AASDH: variants seen among roughly 807,000 people sequenced by gnomAD.
AASDH encodes aminoadipate-semialdehyde dehydrogenase, also known as beta-alanine-activating enzyme.
In AASDH, 81 loss-of-function variants were observed where a neutral mutation model predicts 102.3. The ratio of observed to expected loss-of-function variants is 0.79; its 90% CI spans 0.66 to 0.95. The LOEUF (loss-of-function observed/expected upper bound fraction) is 0.95, where lower values mean the gene tolerates loss of function less well. Ranked by LOEUF, AASDH falls within the 40% of genes least tolerant of loss-of-function variation. The pLI is 0.00. For missense variants in AASDH, 1,203 were observed against 1,266.2 expected, an observed-to-expected ratio of 0.95 and a Z score of 0.76; for synonymous variants, 398 against 454.0, an observed-to-expected ratio of 0.88 and a Z score of 1.57.
intron 1 of AASDH, among the ~76,000 whole-genome samples, chr4:56,385,807 T>C (rs1753482957): frequency 6.6e-6 from 1 of 152,112 alleles, no homozygotes; most frequent in Non-Finnish European, 1.5e-5. Flanking sequence ...ACAGGGTTTC[T>C]CCATGTTGGC....
At chr4:56,375,845 C>G (rs1373921021) in intron 4 of AASDH, among the ~76,000 whole-genome samples, 1 of 151,734 alleles carries the variant, frequency 6.6e-6, no homozygotes, top group East Asian at 1.9e-4. Flanking sequence ...TTGAGGCTAT[C>G]AAAAAAAGAG....
At chr4:56,379,681 T>C (rs1213051182) in intron 3 of AASDH, among the ~76,000 whole-genome samples, 1 of 152,200 alleles carries the variant, frequency 6.6e-6, no homozygotes. Flanking sequence ...GAAATGTTAA[T>C]GGGAACAGAG....
chr4:56,354,869 C>T, intron 6 of AASDH, 58 bp from the exon 7 acceptor site: 1 of 1,344,838 alleles, frequency 7.4e-7, no homozygotes, highest in Non-Finnish European at 1.0e-6. Flanking sequence ...GAATATTTTC[C>T]AATATATTTA....
chr4:56,369,389 A>G (rs1473679174), intron 5 of AASDH, among the ~76,000 whole-genome samples: 1 of 152,226 alleles, frequency 6.6e-6, no homozygotes, highest in Non-Finnish European at 1.5e-5. Flanking sequence ...AAACAGTTAT[A>G]GTAAAATCTT....
intron 5 of AASDH, among the ~76,000 whole-genome samples, chr4:56,357,288 G>A (rs2109909067): frequency 6.6e-6 from 1 of 152,278 alleles, no homozygotes; most frequent in East Asian, 1.9e-4. Context: ...CTACTTCATA[G>A]ATGGTACCTT....
intron 5 of AASDH, among the ~76,000 whole-genome samples, chr4:56,362,267 G>C (rs555521648): frequency 6.6e-6 from 1 of 150,584 alleles, no homozygotes; most frequent in South Asian, 2.1e-4. Flanking sequence ...TTTTTTCTTT[G>C]TTTGTTTGTT....
chr4:56,381,649 T>TCTCTCACACACACACACACACACACACA (rs3223650), intron 3 of AASDH: 4 of 142,304 alleles, frequency 2.8e-5, no homozygotes, highest in South Asian at 2.3e-4. Flanking sequence ...TTGACACTTC[T>TCTCTCACACACACACACACACACACACA]CACACACACA....
At chr4:56,358,853 C>T (rs931473725) in intron 5 of AASDH, among the ~76,000 whole-genome samples, 4 of 152,064 alleles carry the variant, frequency 2.6e-5, no homozygotes, top group Non-Finnish European at 5.9e-5. Flanking sequence ...TTCAAGTCTT[C>T]GATACTAGCT....
chr4:56,345,582 TG>T (rs1748237518), intron 11 of AASDH, among the ~76,000 whole-genome samples: 1 of 152,160 alleles, frequency 6.6e-6, no homozygotes, highest in Non-Finnish European at 1.5e-5. Context: ...TACACTGTGG[TG>T]GAGAGAGATT....
chr4:56,355,594 T>TTTTTTTTTATTTTTTTTTTTTTG (rs1749535968), intron 5 of AASDH, among the ~76,000 whole-genome samples, 171 bp from the exon 6 acceptor site: 1 of 17,128 alleles, frequency 5.8e-5, no homozygotes, highest in Non-Finnish European at 1.4e-4. Flanking sequence ...TATCTTCTTG[T>TTTTTTTTTATTTTTTTTTTTTTG]TTTTTTTTTT....
intron 4 of AASDH, among the ~76,000 whole-genome samples, chr4:56,372,752 T>TATA (rs145501316): frequency 6.6e-6 from 1 of 152,220 alleles, no homozygotes; most frequent in African/African-American, 2.4e-5. Flanking sequence ...CCCACACTCT[T>TATA]ATAAACAAAA....
chr4:56,358,291 T>C (rs1749855399), intron 5 of AASDH, among the ~76,000 whole-genome samples: 1 of 151,708 alleles, frequency 6.6e-6, no homozygotes, highest in South Asian at 2.1e-4. Context: ...TCACATCAAC[T>C]GCATATAAAG....
intron 14 of AASDH, among the ~76,000 whole-genome samples, chr4:56,339,483 T>A (rs1747372714): frequency 1.3e-5 from 2 of 152,122 alleles, no homozygotes; most frequent in South Asian, 4.2e-4. Flanking sequence ...AGGCGTGGTG[T>A]TTCATGCCTA....
At chr4:56,374,627 T>A (rs994230792) in intron 4 of AASDH, among the ~76,000 whole-genome samples, 1 of 152,222 alleles carries the variant, frequency 6.6e-6, no homozygotes, top group East Asian at 1.9e-4. Flanking sequence ...CAAAACAATT[T>A]ATTTGTTCTT....
intron 5 of AASDH, chr4:56,356,258 C>G (rs1749626973): frequency 2.2e-6 from 2 of 905,264 alleles, no homozygotes; most frequent in Non-Finnish European, 3.6e-6. Context: ...TGGCACTGAG[C>G]AAGACATCCA....
chr4:56,370,165 C>T (rs6554352), intron 5 of AASDH, among the ~76,000 whole-genome samples: 104,216 of 151,616 alleles, frequency 0.69, 35,922 homozygotes, highest in South Asian at 0.76. Flanking sequence ...AGGAGTGAGA[C>T]TGGCCTAGCC....
At chr4:56,362,174 G>C (rs886792909) in intron 5 of AASDH, among the ~76,000 whole-genome samples, 2 of 152,128 alleles carry the variant, frequency 1.3e-5, no homozygotes, top group African/African-American at 4.8e-5. Flanking sequence ...TCACTTTGGA[G>C]GCCTTTTTCC....
chr4:56,345,122 C>G lies in AASDH; in HGVS notation c.2652+5G>C. ...ATGCCCAGCTAATTTGAGGTCAATC[C>G]TTACATAAATATCTAAAGCATATGC... On this transcript the variant is annotated splice_donor_5th_base_variant and intron_variant, in intron 12 of 14. Coordinates refer to ENST00000205214, the MANE Select transcript of AASDH (RefSeq NM_181806.4). 6.2e-7 allele frequency: 1 copy of G among 1,613,332 alleles called. No individual in the cohort carries two copies. Among genetic ancestry groups the G allele is most frequent in the Non-Finnish European group, 8.5e-7 (1 of 1,179,602 alleles).
Position 56,355,475 on chromosome 4 carries a change from G to T in AASDH, c.862-52C>A, listed in dbSNP as rs767869814. The T allele has an allele frequency of 3.3e-6, 5 of 1,518,744 alleles. No homozygotes were observed. The South Asian group carries it at 5.0e-5, about 15-fold the overall frequency. 94.1% of individuals were successfully genotyped at this position (1,518,744 alleles called of 1,614,324 possible). ...TTATTTTCCTTCACTTCTTTAAAAAGGTAAGCACTGTAGTTATTATTTCAA... is the reference window on the plus strand; with the variant it reads ...TTATTTTCCTTCACTTCTTTAAAAATGTAAGCACTGTAGTTATTATTTCAA... On this transcript the variant is annotated intron_variant, in intron 5 of 14. Transcript: ENST00000205214.
Sources: gnomAD v4.1 joint callset for allele counts (sites outside exome capture counted in the v4.1 genomes callset) on GRCh38, gnomAD v4.1.1 for gene constraint, MANE v1.5 for transcripts, NCBI Gene and HGNC (gene_info 2026-07-23, HGNC 2026-07-21) for gene names.